Variants in C3orf22 observed in about 807,000 individuals in gnomAD.
C3orf22 encodes uncharacterized protein C3orf22.
Under a neutral mutation model 10.8 loss-of-function variants are expected in C3orf22, and 7 were observed. The ratio of observed to expected loss-of-function variants is 0.65; its 90% CI spans 0.37 to 1.22. The LOEUF is 1.22. C3orf22 is among the 50% of genes most tolerant of loss of function. The pLI is 0.02. For synonymous variants in C3orf22, 79 were observed against 78.9 expected (o/e 1.00, Z 0.00); for missense variants, 173 against 177.0 (o/e 0.98, Z 0.13).
intron 4 of C3orf22, chr3:126,541,787 A>G (rs12495696): frequency 0.054 from 82,457 of 1,538,702 alleles, 2,783 homozygotes; most frequent in South Asian, 0.14. Context: ...CCTGCTGAAC[A>G]GCGCCTGTAG....
intron 1 of C3orf22, among the ~76,000 whole-genome samples, chr3:126,556,988 A>C (rs909992931): frequency 7.8e-6 from 1 of 128,622 alleles, no homozygotes; most frequent in Non-Finnish European, 1.6e-5. Flanking sequence ...ACACACATAC[A>C]GACACATAGA....
At chr3:126,554,097 C>T (rs1937267475) in intron 1 of C3orf22, among the ~76,000 whole-genome samples, 1 of 152,160 alleles carries the variant, frequency 6.6e-6, no homozygotes, top group African/African-American at 2.4e-5. Context: ...TCACTGCTGC[C>T]TCAACCTCCT....
rs1007221821 is a variant in C3orf22 at position 126,550,063 on chromosome 3, A to C, written c.231T>G (p.Asp77Glu). ...SIPVRGLGAPDFTSPSGSCPA... is the reference protein window; with the variant it reads ...SIPVRGLGAPEFTSPSGSCPA... ...GGCAGGAGCCAGACGGTGATGTAAA[A>C]TCTGGAGCCCCGAGCCTAGAGAAGC... Residue 77 changes from aspartate (D) to glutamate (E), a missense_variant, in exon 4 of 4, where the codon GAT (aspartate) becomes GAG (glutamate). By Grantham distance (45) the Asp-to-Glu change is conservative. Coordinates refer to ENST00000318225, the MANE Select transcript of C3orf22 (RefSeq NM_152533.3). 12 of 1,613,666 alleles carry C rather than the reference A, an allele frequency of 7.4e-6. No homozygotes were observed. Among genetic ancestry groups the C allele is most frequent in the Admixed American group, 1.7e-5 (1 of 59,980 alleles).
chr3:126,542,297 C>T, intron 4 of C3orf22: 2 of 1,564,230 alleles, frequency 1.3e-6, no homozygotes, highest in East Asian at 2.4e-5. Flanking sequence ...GCACTGGGAG[C>T]GCGCGCACGC....
intron 5 of C3orf22, among the ~76,000 whole-genome samples, chr3:126,528,768 G>A (rs1011848958): frequency 3.3e-5 from 5 of 152,134 alleles, no homozygotes; most frequent in African/African-American, 4.8e-5. Context: ...CTAAATACAC[G>A]TGGAGAGATC....
At position 126,552,032 on chromosome 3, in the gene C3orf22, C is replaced by A; in HGVS notation, c.180G>T (p.Lys60Asn). Residue 60 changes from lysine to asparagine, a missense_variant, in exon 3 of 4, where the codon AAG becomes AAT. Transcript: ENST00000318225. Reference protein sequence around the residue: ...DSNTVQLPLQKRLVPTRSIPV... With the variant: ...DSNTVQLPLQNRLVPTRSIPV... ...GGATGGACCTCGTTGGCACCAACCT[C>A]TTCTGCAGGGGCAGCTGCACCGTGT... is the stretch of plus-strand genomic sequence containing the variant. The A allele has an allele frequency of 6.2e-7, 1 of 1,613,784 alleles. No homozygotes were observed. The highest frequency in any genetic ancestry group is 1.1e-5 in the South Asian group (1 of 91,024).
At chr3:126,538,405 T>C (rs1936846016) in intron 4 of C3orf22, among the ~76,000 whole-genome samples, 1 of 152,240 alleles carries the variant, frequency 6.6e-6, no homozygotes, top group South Asian at 2.1e-4. Flanking sequence ...GAGTCTTTCC[T>C]GGGAGTCATC....
intron 1 of C3orf22, among the ~76,000 whole-genome samples, chr3:126,553,719 C>T (rs1190279176): frequency 6.6e-6 from 1 of 152,234 alleles, no homozygotes; most frequent in Non-Finnish European, 1.5e-5. Flanking sequence ...GATCTGTCCT[C>T]ATCATGGGGC....
chr3:126,550,099 C>T, intron 3 of C3orf22, 21 bp from the exon 4 acceptor site: 1 of 1,612,722 alleles, frequency 6.2e-7, no homozygotes, highest in Non-Finnish European at 8.5e-7. Context: ...CACACAGAGC[C>T]ACGCCTGGCC....
intron 1 of C3orf22, among the ~76,000 whole-genome samples, chr3:126,554,793 C>T (rs1323637735): frequency 6.6e-6 from 1 of 152,148 alleles, no homozygotes; most frequent in African/African-American, 2.4e-5. Flanking sequence ...TGCCACATTT[C>T]GTCCCCTGAG....
At chr3:126,553,198 A>G in intron 2 of C3orf22, 104 bp downstream of exon 2, 1 of 860,084 alleles carries the variant, frequency 1.2e-6, no homozygotes, top group Non-Finnish European at 2.0e-6. Context: ...TGTGGACAAA[A>G]CCCCCTCCCA....
Position 126,529,270 on chromosome 3 carries a change from G to A in C3orf22, c.*80C>T, listed in dbSNP as rs559189962. The A allele has an allele frequency of 8.7e-5, 108 of 1,240,412 alleles. No homozygotes were observed. In the African/African-American group the frequency reaches 1.2e-3, roughly 14 times the overall value. 76.8% of individuals were successfully genotyped at this position (1,240,412 alleles called of 1,614,324 possible). On this transcript the variant is annotated 3_prime_UTR_variant and NMD_transcript_variant, in exon 5 of 6. Coordinates refer to the C3orf22 transcript ENST00000505070. ...GGAGGCCTTGCAACATGACGTGTGC[G>A]GGTGTCCTGTGTGCAGCAATCGCAT...
intron 4 of C3orf22, chr3:126,543,158 C>CA: frequency 6.6e-6 from 1 of 152,272 alleles, no homozygotes; most frequent in East Asian, 1.9e-4. Context: ...CCTTCGGTCT[C>CA]AGTCTGGCAA....
chr3:126,554,516 G>A (rs1324735849), intron 1 of C3orf22, among the ~76,000 whole-genome samples: 6 of 152,006 alleles, frequency 3.9e-5, no homozygotes, highest in Non-Finnish European at 5.9e-5. Flanking sequence ...CATCCGCCTC[G>A]GCCTCCCAAA....
At chr3:126,557,462 C>T (rs190470297) in intron 1 of C3orf22, among the ~76,000 whole-genome samples, 43 of 152,282 alleles carry the variant, frequency 2.8e-4, no homozygotes, top group African/African-American at 5.1e-4. Flanking sequence ...CAAGACTGCT[C>T]GGCAGTGATC....
At chr3:126,552,749 C>T (rs981087789) in intron 2 of C3orf22, among the ~76,000 whole-genome samples, 3 of 152,308 alleles carry the variant, frequency 2.0e-5, no homozygotes, top group African/African-American at 7.2e-5. Flanking sequence ...TGAGGTTGCA[C>T]GGTGCCAAGC....
At chr3:126,552,938 T>A (rs1438072738) in intron 2 of C3orf22, among the ~76,000 whole-genome samples, 1 of 152,266 alleles carries the variant, frequency 6.6e-6, no homozygotes, top group African/African-American at 2.4e-5. Context: ...CTGCCCGTTA[T>A]CCTGGCTAGT....
At chr3:126,557,811 CT>C (rs1937387013) in intron 1 of C3orf22, among the ~76,000 whole-genome samples, 1 of 152,278 alleles carries the variant, frequency 6.6e-6, no homozygotes, top group African/African-American at 2.4e-5. Context: ...GAAGGGCAGG[CT>C]TCCCCACTGA....
chr3:126,557,685 C>G (rs1391051654), intron 1 of C3orf22, among the ~76,000 whole-genome samples: 1 of 152,238 alleles, frequency 6.6e-6, no homozygotes, highest in African/African-American at 2.4e-5. Context: ...CGCCTCCGTG[C>G]CCCATCTCTG....
Sources: gnomAD v4.1 joint callset for allele counts (sites outside exome capture counted in the v4.1 genomes callset) on GRCh38, gnomAD v4.1.1 for gene constraint, MANE v1.5 for transcripts, NCBI Gene and HGNC (gene_info 2026-07-23, HGNC 2026-07-21) for gene names.